CLDN15: variants seen among roughly 807,000 people sequenced by gnomAD.
The protein encoded by CLDN15 is claudin 15, also known as claudin-15.
In CLDN15, 9 loss-of-function variants were observed where a neutral mutation model predicts 24.5. The ratio of observed to expected loss-of-function variants is 0.37; its 90% confidence interval spans 0.22 to 0.64. The LOEUF (loss-of-function observed/expected upper bound fraction) is 0.64, where lower values mean the gene tolerates loss of function less well. CLDN15 is among the 30% of genes least tolerant of loss of function. The pLI, the probability that CLDN15 is intolerant of heterozygous loss-of-function variation, is 0.63. For missense variants in CLDN15, 248 were observed against 305.9 expected (o/e 0.81, Z 1.41); for synonymous variants, 149 against 131.4 (o/e 1.13, Z -0.92).
chr7:101,237,258 A>G lies in CLDN15; in HGVS notation c.217+107T>C, dbSNP rs1798645426. On this transcript the variant is annotated intron_variant, in intron 1 of 4. Transcript: ENST00000308344. This position sits in a 1 kb window ranked among gnomAD's most constrained non-coding sequence, Gnocchi z 4.0. The stretch of plus-strand genomic sequence containing the variant: ...TGGCTGCGGGAACTCAGACCCGCAG[A>G]GCTTAATTCAGGGCTCCCTGCATCC... 2 of 776,098 alleles carry G rather than the reference A, an allele frequency of 2.6e-6. No homozygotes were observed. Among genetic ancestry groups the G allele is most frequent in the African/African-American group, 1.7e-5 (1 of 58,196 alleles). The allele number at this position is 776,098 out of a possible 1,614,324, so 48.1% of individuals were successfully genotyped here.
intron 1 of CLDN15, among the ~76,000 whole-genome samples, chr7:101,234,709 G>A (rs1275844202): frequency 6.6e-6 from 1 of 151,968 alleles, no homozygotes; most frequent in Non-Finnish European, 1.5e-5. Context: ...TTACAGGCAT[G>A]AGCCACTGTG....
In CLDN15 at chr7:101,232,335, T is replaced by C; in HGVS notation, c.*75A>G. 17 of 1,077,866 alleles carry C rather than the reference T, an allele frequency of 1.6e-5. No individual in the cohort carries two copies. Among genetic ancestry groups the C allele is most frequent in the Non-Finnish European group, 2.4e-5 (17 of 722,618 alleles). 66.8% of individuals were successfully genotyped at this position (1,077,866 alleles called of 1,614,324 possible). ...GCGTGGCCGGCCCCTGAGGTTACTA[T>C]AGGGGAATGGGCCCCGGCCAGGTCC... On this transcript the variant is annotated 3_prime_UTR_variant, in exon 5 of 5. Coordinates refer to ENST00000308344, the MANE Select transcript of CLDN15 (RefSeq NM_014343.3).
chr7:101,233,960 A>G (rs1189713399), intron 2 of CLDN15: 1 of 513,696 alleles, frequency 1.9e-6, no homozygotes, highest in Non-Finnish European at 3.7e-6. Flanking sequence ...TGTGTGCGCC[A>G]TAGCGTGCAC....
In CLDN15 at chr7:101,232,107, T is replaced by C; in HGVS notation, c.*303A>G. ...CTTCAAGCCCTGAACGGTCACAATATGCATTTATTAATGAATGTATTTATA... is the reference window on the plus strand; with the variant it reads ...CTTCAAGCCCTGAACGGTCACAATACGCATTTATTAATGAATGTATTTATA... On this transcript the variant is annotated 3_prime_UTR_variant, in exon 5 of 5. Coordinates refer to ENST00000308344, the MANE Select transcript of CLDN15 (RefSeq NM_014343.3). The C allele has an allele frequency of 3.7e-6, 1 of 266,712 alleles. No homozygotes were observed. Among genetic ancestry groups the C allele is most frequent in the East Asian group, 8.6e-5 (1 of 11,572 alleles). 16.5% of individuals were successfully genotyped at this position (266,712 alleles called of 1,614,324 possible). A position where few individuals can be genotyped will look rare whatever the true frequency, so the allele number is the denominator to read the frequency against.
upstream of CLDN15, chr7:101,237,934 T>G: frequency 2.9e-6 from 1 of 344,976 alleles, no homozygotes; most frequent in East Asian, 6.8e-5. This position sits in a 1 kb window ranked among gnomAD's most constrained non-coding sequence, Gnocchi z 4.0. Context: ...GGGGGCAGAC[T>G]TACCCTGGAG....
intron 1 of CLDN15, among the ~76,000 whole-genome samples, chr7:101,234,969 G>A (rs1378960917): frequency 6.6e-6 from 1 of 152,124 alleles, no homozygotes; most frequent in Non-Finnish European, 1.5e-5. Context: ...CCTGTGTACT[G>A]TGGGATGTTC....
intron 1 of CLDN15, chr7:101,236,679 G>T: frequency 8.1e-7 from 1 of 1,227,844 alleles, no homozygotes; most frequent in Non-Finnish European, 1.1e-6. Flanking sequence ...ACTGCCCTGG[G>T]CCCAAAGAGC....
intron 2 of CLDN15, chr7:101,234,063 C>T: frequency 1.4e-6 from 1 of 702,144 alleles, no homozygotes; most frequent in Non-Finnish European, 2.6e-6. Context: ...CGTGGCCAGC[C>T]CCTACTGGGA....
Position 101,234,261 on chromosome 7 carries a change from C to T in CLDN15, c.382+17G>A, listed in dbSNP as rs750193262. Reference sequence around the variant, plus strand: ...CGGTTGAGGGGGACCCCCGCCCCATCACCTTCCCCCAGTTACCGGCCAGAA... The same window carrying T: ...CGGTTGAGGGGGACCCCCGCCCCATTACCTTCCCCCAGTTACCGGCCAGAA... On this transcript the variant is annotated intron_variant, in intron 2 of 4. Transcript: ENST00000308344. 1.9e-6 allele frequency: 3 copies of T among 1,592,516 alleles called. No homozygotes were observed. The highest frequency in any genetic ancestry group is 2.7e-5 in the African/African-American group (2 of 74,682).
intron 2 of CLDN15, 105 bp from the exon 3 acceptor site, chr7:101,233,019 C>T: frequency 2.6e-6 from 2 of 762,440 alleles, no homozygotes; most frequent in Non-Finnish European, 2.3e-6. Flanking sequence ...GACGGGGGCA[C>T]CAAGTCCCAG....
intron 2 of CLDN15, chr7:101,233,665 C>T: frequency 5.8e-6 from 1 of 172,792 alleles, no homozygotes; most frequent in Non-Finnish European, 1.2e-5. Context: ...GTGGCACAAT[C>T]TTGGCTTACT....
rs111333670 is a variant in CLDN15 at position 101,237,769 on chromosome 7, T to C, written c.-188A>G. 1.6e-6 allele frequency: 1 copy of C among 609,828 alleles called. No individual in the cohort carries two copies. 37.8% of individuals were successfully genotyped at this position (609,828 alleles called of 1,614,324 possible). On this transcript the variant is annotated 5_prime_UTR_variant, in exon 1 of 5. Coordinates refer to ENST00000308344, the MANE Select transcript of CLDN15 (RefSeq NM_014343.3). The surrounding 1 kb of genome is among the most constrained non-coding windows in gnomAD (Gnocchi z 4.0). ...CACTTTCTGCCTCCCTCCTGCTCTG[T>C]GGGTCTCTCTGCTTCCTGGCAGGTC...
chr7:101,234,209 G>C, intron 2 of CLDN15, 69 bp downstream of exon 2: 1 of 1,238,326 alleles, frequency 8.1e-7, no homozygotes, highest in Non-Finnish European at 1.2e-6. Flanking sequence ...GAGGAGATTA[G>C]ATGAGGACAA....
At chr7:101,233,319 C>T (rs928256053) in intron 2 of CLDN15, among the ~76,000 whole-genome samples, 3 of 152,074 alleles carry the variant, frequency 2.0e-5, no homozygotes, top group African/African-American at 4.8e-5. Flanking sequence ...AGTCCAGGGT[C>T]GTCCTTTCCT....
At chr7:101,233,885 A>G in intron 2 of CLDN15, 1 of 335,420 alleles carries the variant, frequency 3.0e-6, no homozygotes, top group South Asian at 2.4e-5. Flanking sequence ...CAGCCTACCA[A>G]AGTGCTGGGA....
At chr7:101,235,386 C>T (rs1376746913) in intron 1 of CLDN15, among the ~76,000 whole-genome samples, 1 of 152,188 alleles carries the variant, frequency 6.6e-6, no homozygotes, top group Non-Finnish European at 1.5e-5. Context: ...GCCTCAGCCT[C>T]CTGAGTAGCT....
At chr7:101,232,544 G>A (rs1189925557) in intron 4 of CLDN15, 29 bp from the exon 5 acceptor site, 5 of 1,597,198 alleles carry the variant, frequency 3.1e-6, no homozygotes, top group Non-Finnish European at 4.3e-6. Context: ...GTCAGAGCGG[G>A]GGCGCGGCCC....
At chr7:101,238,097 T>G, upstream of CLDN15, 1 of 198,542 alleles carries the variant, frequency 5.0e-6, no homozygotes. Context: ...GTGAGAGCAA[T>G]AAGGGACAGA....
In CLDN15 at chr7:101,232,500, G is replaced by A. The variant is rs370403774; in HGVS notation, c.597C>T (p.Tyr199=). 1.5e-4 allele frequency: 249 copies of A among 1,612,916 alleles called. 1 individual carries two copies. The highest frequency in any genetic ancestry group is 4.9e-4 in the East Asian group (22 of 44,864). The part of the protein sequence containing the change: ...EDPAASARRP[Y]QAPVSVMPVA... ...CGGGCATCACGGACACTGGAGCCTG[G>A]TAGGGCCGCCGGGCGCTGCGGGGAG... The change falls in exon 5 of 5, where the codon TAC becomes TAT. Residue 199 remains tyrosine, a synonymous_variant. Transcript: ENST00000308344.
Sources: allele counts gnomAD v4.1 joint callset (sites outside exome capture counted in the v4.1 genomes callset), GRCh38; gene constraint gnomAD v4.1.1; non-coding constraint Gnocchi (gnomAD v3.1); transcripts MANE v1.5; gene names NCBI Gene and HGNC (gene_info 2026-07-23, HGNC 2026-07-21).